PDIA6: variants seen among roughly 807,000 people sequenced by gnomAD.
PDIA6 encodes the protein protein disulfide-isomerase A6.
A neutral mutation model predicts 58.4 loss-of-function variants in PDIA6; 29 were observed. That is an observed-to-expected ratio of 0.50 (90% CI 0.37 to 0.68). The LOEUF is 0.68. Among genes scored for constraint, PDIA6 ranks in the 30% least tolerant of loss-of-function variants. PDIA6 has a pLI of 0.00. For missense variants in PDIA6, 480 were observed against 551.0 expected, an observed-to-expected ratio of 0.87 and a Z score of 1.29; for synonymous variants, 192 against 202.6, an observed-to-expected ratio of 0.95 and a Z score of 0.44.
intron 1 of PDIA6, chr2:10,821,264 A>G (rs7587453): frequency 0.13 from 21,477 of 168,990 alleles, 1,658 homozygotes; most frequent in Non-Finnish European, 0.17. Flanking sequence ...ACCGTTGCAC[A>G]GTAAGCCAGT....
At chr2:10,837,387 AC>A (rs1161071474), upstream of PDIA6, 19 of 605,140 alleles carry the variant, frequency 3.1e-5, no homozygotes, top group Non-Finnish European at 2.1e-5. Context: ...ACTCAATATG[AC>A]AAGATTAAAA....
intron 1 of PDIA6, among the ~76,000 whole-genome samples, chr2:10,830,334 T>C (rs1170894957): frequency 6.6e-6 from 1 of 152,252 alleles, no homozygotes; most frequent in Non-Finnish European, 1.5e-5. Flanking sequence ...AGTTCTCCAT[T>C]TGTTTTGGCT....
chr2:10,797,060 G>T, intron 4 of PDIA6, 21 bp downstream of exon 4: 1 of 1,609,800 alleles, frequency 6.2e-7, no homozygotes, highest in Non-Finnish European at 8.5e-7. Context: ...GGGGAATGAA[G>T]TAGCTAGGAA....
chr2:10,806,650 A>AAAGAAAGAAAGAAAGAAAGAAAG lies in PDIA6; in HGVS notation c.20-4011_20-4010insCTTTCTTTCTTTCTTTCTTTCTT, dbSNP rs1553339954. On this transcript the variant is annotated intron_variant, in intron 1 of 12. Coordinates refer to ENST00000272227, the MANE Select transcript of PDIA6 (RefSeq NM_005742.4). Reference sequence around the variant, plus strand: ...AGACAGAAAGAAAGAAAGAAAGAAAAACGTTACAGTAAATTAAGGTTAATC... The same window carrying AAAGAAAGAAAGAAAGAAAGAAAG: ...AGACAGAAAGAAAGAAAGAAAGAAAAAAGAAAGAAAGAAAGAAAGAAAGACGTTACAGTAAATTAAGGTTAATC... Among the ~76,000 whole-genome samples the AAAGAAAGAAAGAAAGAAAGAAAG allele has an allele frequency of 1.0e-3, 65 of 62,862 alleles. 1 individual carries two copies. Among genetic ancestry groups the AAAGAAAGAAAGAAAGAAAGAAAG allele is most frequent in the South Asian group, 2.3e-3 (4 of 1,726 alleles). The allele number at this position is 62,862 out of a possible 152,430, so 41.2% of individuals were successfully genotyped here.
intron 7 of PDIA6, 66 bp downstream of exon 7, chr2:10,790,653 A>C: frequency 1.8e-6 from 2 of 1,121,358 alleles, no homozygotes; most frequent in Non-Finnish European, 2.7e-6. Context: ...GGAGGCCTGG[A>C]GTATTGGAAG....
intron 1 of PDIA6, among the ~76,000 whole-genome samples, chr2:10,809,562 A>T (rs1572687626): frequency 7.5e-6 from 1 of 134,002 alleles, no homozygotes; most frequent in Non-Finnish European, 1.6e-5. Context: ...TCGGTATGGT[A>T]GGGTGCATCT....
At position 10,783,423 on chromosome 2, in the gene PDIA6, C is replaced by A. The variant is rs753318318; in HGVS notation, c.*835G>T. On this transcript the variant is annotated 3_prime_UTR_variant, in exon 13 of 13. Coordinates refer to ENST00000272227, the MANE Select transcript of PDIA6 (RefSeq NM_005742.4). ...CAGTTGTATTTATTTTTTTAAGTTA[C>A]AATAAAATGCTCTCAAGTCCTTTGA... The A allele has an allele frequency of 5.8e-4, 295 of 512,090 alleles. 1 individual carries two copies. The highest frequency in any genetic ancestry group is 7.9e-5 in the Non-Finnish European group (23 of 290,144). 31.7% of individuals were successfully genotyped at this position (512,090 alleles called of 1,614,324 possible).
chr2:10,789,752 A>G lies in PDIA6; in HGVS notation c.837T>C (p.Leu279=). The change falls in exon 8 of 13, where the codon CTT becomes CTC. Residue 279 remains leucine, a synonymous_variant. Coordinates refer to ENST00000272227, the MANE Select transcript of PDIA6 (RefSeq NM_005742.4). The part of the protein sequence containing the change: ...FSDNAPPPEL[L]EIINEDIAKR... ...ACAAGCAGTTGAAGTGGTTTACCTC[A>G]AGCAGCTCAGGAGGTGGGGCGTTAT... 1 of 1,613,486 alleles carries G rather than the reference A, an allele frequency of 6.2e-7. No individual in the cohort carries two copies. Among genetic ancestry groups the G allele is most frequent in the Non-Finnish European group, 8.5e-7 (1 of 1,179,702 alleles).
At chr2:10,815,103 T>G (rs113014282), upstream of PDIA6, among the ~76,000 whole-genome samples, 14 of 21,750 alleles carry the variant, frequency 6.4e-4, no homozygotes, top group Admixed American at 1.1e-3. Context: ...CACAGGCTTC[T>G]GGAAATGCAC....
chr2:10,804,003 G>A (rs1246414142), intron 1 of PDIA6, among the ~76,000 whole-genome samples: 1 of 148,504 alleles, frequency 6.7e-6, no homozygotes, highest in African/African-American at 2.5e-5. Context: ...CTGCCACCCG[G>A]GTTCACGCCA....
intron 1 of PDIA6, among the ~76,000 whole-genome samples, chr2:10,803,039 T>C (rs1466724189): frequency 6.6e-6 from 1 of 152,236 alleles, no homozygotes; most frequent in Admixed American, 6.5e-5. Flanking sequence ...GTAGTAATCA[T>C]TCCTCATGTT....
In PDIA6 at chr2:10,786,097, T is replaced by C. The variant is rs185406461; in HGVS notation, c.1158-1067A>G. On this transcript the variant is annotated intron_variant, in intron 11 of 12. Transcript: ENST00000272227. ...CAGCATTTTGGGAGGCTGAGGTGGG[T>C]GGATCACTTGAGGTCAGGGGTTTGA... Among the ~76,000 whole-genome samples the C allele has an allele frequency of 7.4e-3, 1,124 of 151,904 alleles. 11 individuals carry two copies. Among genetic ancestry groups the C allele is most frequent in the Non-Finnish European group, 0.012 (836 of 67,906 alleles).
At chr2:10,817,710 AC>A (rs1301739867), upstream of PDIA6, among the ~76,000 whole-genome samples, 1 of 152,038 alleles carries the variant, frequency 6.6e-6, no homozygotes, top group Non-Finnish European at 1.5e-5. Flanking sequence ...TACCATGCAG[AC>A]CCCCACAGGG....
upstream of PDIA6, among the ~76,000 whole-genome samples, chr2:10,817,519 C>T (rs1667234379): frequency 6.6e-6 from 1 of 152,254 alleles, no homozygotes; most frequent in Non-Finnish European, 1.5e-5. Flanking sequence ...GAAATTCCTC[C>T]ACAGTCGCAG....
chr2:10,789,969 C>A, intron 7 of PDIA6, 80 bp from the exon 8 acceptor site: 1 of 1,292,132 alleles, frequency 7.7e-7, no homozygotes, highest in Non-Finnish European at 1.1e-6. Flanking sequence ...TCTAAAACCA[C>A]CTTATAGGTA....
upstream of PDIA6, among the ~76,000 whole-genome samples, chr2:10,816,393 T>TG (rs1667194956): frequency 6.6e-3 from 1 of 152 alleles, no homozygotes; most frequent in South Asian, 0.25. Flanking sequence ...GCCTGTATCA[T>TG]TTTTTTTTTT....
At chr2:10,826,323 C>T (rs969033417) in intron 1 of PDIA6, among the ~76,000 whole-genome samples, 2 of 152,004 alleles carry the variant, frequency 1.3e-5, no homozygotes, top group African/African-American at 2.4e-5. Flanking sequence ...TGGGAGAGGA[C>T]AGTTGCACAT....
At chr2:10,823,222 C>T (rs900180926) in intron 1 of PDIA6, 1 of 152,240 alleles carries the variant, frequency 6.6e-6, no homozygotes, top group African/African-American at 2.4e-5. Flanking sequence ...GCCAAGCTTT[C>T]CTGCCACAGA....
At chr2:10,807,698 T>A (rs1025275842) in intron 1 of PDIA6, among the ~76,000 whole-genome samples, 2 of 152,246 alleles carry the variant, frequency 1.3e-5, no homozygotes, top group Non-Finnish European at 2.9e-5. Flanking sequence ...AGATTTCAAA[T>A]GGACCTTTTT....
Sources: gnomAD v4.1 joint callset for allele counts (sites outside exome capture counted in the v4.1 genomes callset) on GRCh38, gnomAD v4.1.1 for gene constraint, MANE v1.5 for transcripts, NCBI Gene and HGNC (gene_info 2026-07-23, HGNC 2026-07-21) for gene names.